Variants in INTS8 observed in about 807,000 individuals in gnomAD.
INTS8 encodes integrator complex subunit 8, also known as protein kaonashi-1.
INTS8 carries 47 observed loss-of-function variants against 138.9 expected under a neutral mutation model. That is an observed-to-expected ratio of 0.34 (90% confidence interval 0.27 to 0.43). The LOEUF is 0.43. Ranked by LOEUF, INTS8 falls within the 20% of genes least tolerant of loss-of-function variation. The probability of loss-of-function intolerance (pLI) is 1.00; values close to 1 mark genes in which losing one functional copy is unlikely to be tolerated. For synonymous variants in INTS8, 392 were observed against 400.9 expected, an observed-to-expected ratio of 0.98 and a Z score of 0.27; for missense variants, 996 against 1,173.0, an observed-to-expected ratio of 0.85 and a Z score of 2.20.
chr8:94,844,946 G>T (rs1223529120), intron 10 of INTS8, among the ~76,000 whole-genome samples: 3 of 151,256 alleles, frequency 2.0e-5, no homozygotes, highest in East Asian at 2.0e-4. Context: ...TAAAGATGGG[G>T]TTTTGTCACG....
intron 13 of INTS8, among the ~76,000 whole-genome samples, chr8:94,853,269 G>T (rs1005836723): frequency 3.9e-5 from 6 of 152,080 alleles, no homozygotes; most frequent in African/African-American, 1.4e-4. Flanking sequence ...CAGAGATCAC[G>T]CCACTGCACT....
At position 94,838,293 on chromosome 8, in the gene INTS8, G is replaced by A. The variant is rs544419565; in HGVS notation, c.862-170G>A. 4.6e-5 allele frequency among the ~76,000 whole-genome samples: 7 copies of A among 152,198 alleles called. No individual in the cohort carries two copies. In the East Asian group the frequency reaches 7.7e-4, roughly 17 times the overall value. On this transcript the variant is annotated intron_variant, in intron 7 of 26. Coordinates refer to ENST00000523731, the MANE Select transcript of INTS8 (RefSeq NM_017864.4). ...TCTCGAACTCCCGACCTTGTGATCCGCCAGTCTCGGCCTCCCAAAGTGCTG... is the reference window on the plus strand; with the variant it reads ...TCTCGAACTCCCGACCTTGTGATCCACCAGTCTCGGCCTCCCAAAGTGCTG...
At chr8:94,872,125 AAT>A (rs1322211215) in intron 21 of INTS8, 123 bp downstream of exon 21, 1 of 586,696 alleles carries the variant, frequency 1.7e-6, no homozygotes, top group Non-Finnish European at 3.0e-6. Context: ...TCTTTAGTAA[AAT>A]TAAAGCAGTA....
rs199969551 is a variant in INTS8, at chr8:94,849,929, G to A, written c.1345G>A (p.Gly449Arg). 3.0e-4 allele frequency: 477 copies of A among 1,609,732 alleles called. No homozygotes were observed. The highest frequency in any genetic ancestry group is 3.9e-4 in the Non-Finnish European group (460 of 1,177,688). ...MAAFLKNVCL[G>R]LEDLQYVFMI... is the part of the protein sequence containing the mutation. ...TTACTGATCTAGGAATGTGTGTCTG[G>A]GGTTGGAAGATCTGCAGTATGTTTT... Residue 449 changes from glycine (G) to arginine (R), a missense_variant, in exon 12 of 27, where the codon GGG (glycine) becomes AGG (arginine). By Grantham distance (125) the Gly-to-Arg change is moderately radical. Transcript: ENST00000523731.
chr8:94,878,133 G>A (rs945733331), intron 26 of INTS8, among the ~76,000 whole-genome samples: 4 of 150,038 alleles, frequency 2.7e-5, no homozygotes, highest in South Asian at 2.1e-4. Flanking sequence ...AGAAACTTAC[G>A]TGTTTTATTT....
At chr8:94,846,800 C>T (rs1331793772) in intron 10 of INTS8, among the ~76,000 whole-genome samples, 3 of 152,118 alleles carry the variant, frequency 2.0e-5, no homozygotes, top group Non-Finnish European at 2.9e-5. Context: ...TTTAAAATAA[C>T]GAATTATTTT....
At chr8:94,838,744 G>A in intron 8 of INTS8, 126 bp downstream of exon 8, 1 of 637,468 alleles carries the variant, frequency 1.6e-6, no homozygotes, top group Non-Finnish European at 2.8e-6. Context: ...ATACTGGCCT[G>A]TAACATAATG....
chr8:94,848,013 C>CTTTTTTTTTTTTTTTTTTTTTTTTT lies in INTS8; in HGVS notation c.1261-1436_1261-1435insTTTTTTTTTTTTTTTTTTTTTTTTT, dbSNP rs58388097. Among the ~76,000 whole-genome samples the CTTTTTTTTTTTTTTTTTTTTTTTTT allele has an allele frequency of 1.4e-4, 18 of 129,998 alleles. 2 individuals are homozygous for CTTTTTTTTTTTTTTTTTTTTTTTTT. Among genetic ancestry groups the CTTTTTTTTTTTTTTTTTTTTTTTTT allele is most frequent in the South Asian group, 2.4e-4 (1 of 4,158 alleles). 85.3% of individuals were successfully genotyped at this position (129,998 alleles called of 152,430 possible). A position where few individuals can be genotyped will look rare whatever the true frequency, so the allele number is the denominator to read the frequency against. On this transcript the variant is annotated intron_variant, in intron 10 of 26. Transcript: ENST00000523731. ...TGAACATAGCACTTTTAAAACACTGCTTTTTTTTTTTTTGAGATGGAGTCT... is the reference window on the plus strand; with the variant it reads ...TGAACATAGCACTTTTAAAACACTGCTTTTTTTTTTTTTTTTTTTTTTTTTTTTTTTTTTTTTTGAGATGGAGTCT...
intron 6 of INTS8, among the ~76,000 whole-genome samples, chr8:94,834,364 T>G (rs769314063): frequency 2.2e-4 from 10 of 44,876 alleles, no homozygotes; most frequent in Non-Finnish European, 4.1e-4. Context: ...TGTGCATGGG[T>G]GTGTGTGTGT....
chr8:94,827,183 A>G, intron 2 of INTS8, 80 bp from the exon 3 acceptor site: 2 of 1,233,162 alleles, frequency 1.6e-6, no homozygotes, highest in East Asian at 2.3e-5. Context: ...AGGTATTTTC[A>G]GCGAGGATAT....
chr8:94,838,150 C>G (rs1246391262), intron 7 of INTS8, among the ~76,000 whole-genome samples: 1 of 151,560 alleles, frequency 6.6e-6, no homozygotes, highest in Non-Finnish European at 1.5e-5. Context: ...CTCCCGGGCT[C>G]AAGCCATTCT....
intron 26 of INTS8, among the ~76,000 whole-genome samples, chr8:94,877,002 T>C (rs1816586899): frequency 6.6e-6 from 1 of 152,182 alleles, no homozygotes; most frequent in African/African-American, 2.4e-5. Flanking sequence ...TCCAGTACTC[T>C]TACTCTCATT....
At chr8:94,834,925 G>A (rs536509495) in intron 6 of INTS8, among the ~76,000 whole-genome samples, 1 of 152,236 alleles carries the variant, frequency 6.6e-6, no homozygotes, top group East Asian at 1.9e-4. Flanking sequence ...TTGGTTTTGT[G>A]GTATAAAAGG....
At chr8:94,850,360 C>T (rs147887075) in intron 12 of INTS8, among the ~76,000 whole-genome samples, 79 of 152,300 alleles carry the variant, frequency 5.2e-4, no homozygotes, top group African/African-American at 1.8e-3. Context: ...CGCCTGTAAT[C>T]CCAGCACTTT....
intron 10 of INTS8, among the ~76,000 whole-genome samples, chr8:94,848,163 C>G (rs1267247991): frequency 6.6e-6 from 1 of 151,916 alleles, no homozygotes; most frequent in South Asian, 2.1e-4. Context: ...GCCCGTGTCA[C>G]CATGCCCACG....
chr8:94,856,897 G>C lies in INTS8; in HGVS notation c.1873G>C (p.Ala625Pro). The change falls in exon 15 of 27, where the codon GCT (alanine) becomes CCT (proline). Residue 625 changes from alanine to proline, a missense_variant. Transcript: ENST00000523731. ...GCTTTTGGATATTCATACACACGAAGCTGGGACAGGGCAGGCAGGAGAGAG... is the reference window on the plus strand; with the variant it reads ...GCTTTTGGATATTCATACACACGAACCTGGGACAGGGCAGGCAGGAGAGAG... The part of the protein sequence containing the change: ...MLLLDIHTHE[A>P]GTGQAGERPP... The C allele has an allele frequency of 6.2e-7, 1 of 1,614,092 alleles. No homozygotes were observed. The highest frequency in any genetic ancestry group is 8.5e-7 in the Non-Finnish European group (1 of 1,180,028).
intron 2 of INTS8, among the ~76,000 whole-genome samples, chr8:94,826,400 G>C (rs1205525896): frequency 6.6e-6 from 1 of 152,026 alleles, no homozygotes; most frequent in East Asian, 1.9e-4. Context: ...TCCTGCCTCA[G>C]CCTCCCGAGT....
chr8:94,834,703 CA>C (rs1180267625), intron 6 of INTS8, among the ~76,000 whole-genome samples: 5,175 of 84,986 alleles, frequency 0.061, 80 homozygotes, highest in Admixed American at 0.068. Flanking sequence ...AACTCCATCT[CA>C]AAAAAAAAAA....
At chr8:94,855,704 TAGAG>T (rs1337262740) in intron 14 of INTS8, among the ~76,000 whole-genome samples, 1 of 152,144 alleles carries the variant, frequency 6.6e-6, no homozygotes, top group African/African-American at 2.4e-5. Flanking sequence ...TTACAAGGGA[TAGAG>T]AGAAGAGAAC....
Sources: gnomAD v4.1 joint callset for allele counts (sites outside exome capture counted in the v4.1 genomes callset) on GRCh38, gnomAD v4.1.1 for gene constraint, MANE v1.5 for transcripts, NCBI Gene and HGNC (gene_info 2026-07-23, HGNC 2026-07-21) for gene names.